AK8: variants seen among roughly 807,000 people sequenced by gnomAD.
The protein encoded by AK8 is adenylate kinase 8, also known as ATP-AMP transphosphorylase 8.
Under a neutral mutation model 54.6 loss-of-function variants are expected in AK8, and 44 were observed. The observed-to-expected ratio is 0.81, with a 90% CI of 0.63 to 1.04. The LOEUF is 1.04. AK8 is among the 50% of genes least tolerant of loss of function. AK8 has a pLI of 0.00. For synonymous variants in AK8, 239 were observed against 245.6 expected (o/e 0.97, Z 0.25); for missense variants, 555 against 613.6 (o/e 0.90, Z 1.01).
At chr9:132,741,273 T>C (rs1564375793) in intron 11 of AK8, among the ~76,000 whole-genome samples, 2 of 152,246 alleles carry the variant, frequency 1.3e-5, no homozygotes, top group Non-Finnish European at 2.9e-5. Flanking sequence ...TTCATGCCTG[T>C]GCACACTTGG....
intron 10 of AK8, among the ~76,000 whole-genome samples, chr9:132,798,223 A>G (rs1038500888): frequency 3.3e-5 from 5 of 151,950 alleles, no homozygotes; most frequent in African/African-American, 1.2e-4. Flanking sequence ...AACCCTGAAG[A>G]CCCTGCCTTT....
chr9:132,754,931 C>G (rs1838117465), intron 11 of AK8, among the ~76,000 whole-genome samples: 4 of 151,982 alleles, frequency 2.6e-5, no homozygotes. Context: ...TCCCAAGTAC[C>G]TGGGATTACA....
intron 9 of AK8, among the ~76,000 whole-genome samples, chr9:132,818,316 C>T (rs1841422727): frequency 6.6e-6 from 1 of 152,222 alleles, no homozygotes; most frequent in African/African-American, 2.4e-5. Context: ...AAAGTCTCTC[C>T]CCCCTTATAT....
intron 11 of AK8, among the ~76,000 whole-genome samples, chr9:132,757,639 G>A (rs576371753): frequency 1.3e-5 from 2 of 152,290 alleles, no homozygotes; most frequent in African/African-American, 4.8e-5. Flanking sequence ...CTGAGGCTCC[G>A]AAAGGCGGCA....
chr9:132,761,728 C>T (rs1838480959), intron 11 of AK8, among the ~76,000 whole-genome samples: 1 of 151,912 alleles, frequency 6.6e-6, no homozygotes, highest in African/African-American at 2.4e-5. Flanking sequence ...GTGTTTCATC[C>T]TCTTTTTCAT....
chr9:132,823,772 T>C (rs980765870), intron 8 of AK8, among the ~76,000 whole-genome samples: 6 of 152,220 alleles, frequency 3.9e-5, no homozygotes, highest in African/African-American at 1.4e-4. Context: ...CTCCTAGAAG[T>C]GCACGCTGGC....
intron 11 of AK8, chr9:132,769,160 G>T (rs1461807547): frequency 1.3e-5 from 2 of 152,252 alleles, no homozygotes; most frequent in Non-Finnish European, 2.9e-5. Flanking sequence ...TGGGCCTGAC[G>T]GGGATGACAG....
intron 10 of AK8, among the ~76,000 whole-genome samples, chr9:132,810,635 C>T (rs1265216307): frequency 1.3e-5 from 2 of 152,070 alleles, no homozygotes; most frequent in South Asian, 2.1e-4. Context: ...CCCTATAAGA[C>T]GAGGAAGATA....
chr9:132,730,586 G>A (rs978169255), intron 11 of AK8, among the ~76,000 whole-genome samples: 5 of 152,070 alleles, frequency 3.3e-5, no homozygotes, highest in African/African-American at 4.8e-5. Context: ...CTTTGATGGT[G>A]GATGCCTATG....
chr9:132,797,994 A>G, intron 10 of AK8, among the ~76,000 whole-genome samples: 1 of 152,240 alleles, frequency 6.6e-6, no homozygotes, highest in East Asian at 1.9e-4. Flanking sequence ...TATAAGGAAC[A>G]GCAACACATT....
intron 11 of AK8, among the ~76,000 whole-genome samples, chr9:132,743,936 G>A (rs771046410): frequency 1.3e-5 from 2 of 152,274 alleles, no homozygotes; most frequent in African/African-American, 2.4e-5. Context: ...TAAAATAATC[G>A]TGCTTTGTTC....
intron 5 of AK8, among the ~76,000 whole-genome samples, chr9:132,838,893 C>G (rs970070960): frequency 1.3e-5 from 2 of 152,138 alleles, no homozygotes; most frequent in African/African-American, 4.8e-5. Context: ...TGGTGTTCGG[C>G]ACATATCAGG....
intron 4 of AK8, among the ~76,000 whole-genome samples, chr9:132,862,174 A>T (rs980708040): frequency 2.0e-5 from 3 of 152,264 alleles, no homozygotes; most frequent in Non-Finnish European, 2.9e-5. Context: ...CTGAAGCCAC[A>T]CAGTCCAACT....
chr9:132,725,758 T>C lies in AK8; in HGVS notation c.1370A>G (p.Gln457Arg). The change falls in exon 13 of 13, where the codon CAG becomes CGG. Residue 457 changes from glutamine (Q) to arginine (R), a missense_variant. By Grantham distance (43) the Gln-to-Arg change is conservative (BLOSUM62 1). Transcript: ENST00000298545. ...YGSAITLNGD[Q>R]DPYTVFEYIE... is the part of the protein sequence containing the mutation. ...GTATTCGAAGACTGTGTATGGGTCCTGGTCCCCATTGAGGGTGATGGCCGA... is the reference window on the plus strand; with the variant it reads ...GTATTCGAAGACTGTGTATGGGTCCCGGTCCCCATTGAGGGTGATGGCCGA... The C allele has an allele frequency of 6.3e-7, 1 of 1,596,812 alleles. No homozygotes were observed. The highest frequency in any genetic ancestry group is 8.5e-7 in the Non-Finnish European group (1 of 1,171,816).
intron 11 of AK8, among the ~76,000 whole-genome samples, chr9:132,759,338 A>G (rs1838345711): frequency 6.6e-6 from 1 of 152,188 alleles, no homozygotes; most frequent in Admixed American, 6.5e-5. Context: ...AGCTCTTTAT[A>G]AATTCTGGAT....
At chr9:132,743,182 C>T (rs892910935) in intron 11 of AK8, among the ~76,000 whole-genome samples, 1 of 152,248 alleles carries the variant, frequency 6.6e-6, no homozygotes, top group African/African-American at 2.4e-5. Context: ...AGATTCGAGG[C>T]AGGAAACACA....
chr9:132,866,324 G>A (rs761685463), intron 3 of AK8, among the ~76,000 whole-genome samples: 1 of 152,216 alleles, frequency 6.6e-6, no homozygotes, highest in Non-Finnish European at 1.5e-5. Context: ...GTGAAAAAGT[G>A]TGGGCGAGGT....
intron 5 of AK8, among the ~76,000 whole-genome samples, chr9:132,833,280 A>G (rs983448082): frequency 1.3e-5 from 2 of 152,206 alleles, no homozygotes; most frequent in African/African-American, 2.4e-5. Context: ...GGAAGCAGCA[A>G]TTTTGGCTGG....
In AK8 at chr9:132,826,689, T is replaced by C. The variant is rs563283722; in HGVS notation, c.757+165A>G. Among the ~76,000 whole-genome samples the C allele has an allele frequency of 2.0e-5, 3 of 152,282 alleles. 1 individual carries two copies. In the South Asian group the frequency reaches 6.2e-4, roughly 32 times the overall value. On this transcript the variant is annotated intron_variant, in intron 8 of 12. Coordinates refer to ENST00000298545, the MANE Select transcript of AK8 (RefSeq NM_152572.3). This position sits in a 1 kb window ranked among gnomAD's most constrained non-coding sequence, Gnocchi z 4.5. ...GGTACCCCCAGGGGCTCTGCACACA[T>C]GCATTTCTGGGCAGGGAACCCGGGT...
Sources: allele counts gnomAD v4.1 joint callset (sites outside exome capture counted in the v4.1 genomes callset), GRCh38; gene constraint gnomAD v4.1.1; non-coding constraint Gnocchi (gnomAD v3.1); transcripts MANE v1.5; gene names NCBI Gene and HGNC (gene_info 2026-07-23, HGNC 2026-07-21).